Variants in SAMD11 observed in about 807,000 individuals in gnomAD.
SAMD11 encodes the protein sterile alpha motif domain containing 11, also known as sterile alpha motif domain-containing protein 11.
Under a neutral mutation model 64.4 loss-of-function variants are expected in SAMD11, and 77 were observed. The ratio of observed to expected loss-of-function variants is 1.20; its 90% CI spans 0.99 to 1.44. The LOEUF (loss-of-function observed/expected upper bound fraction) is 1.44, where lower values mean the gene tolerates loss of function less well. SAMD11 is among the 40% of genes most tolerant of loss of function. The pLI is 0.00. For missense variants in SAMD11, 1,402 were observed against 943.3 expected, an observed-to-expected ratio of 1.49 and a Z score of -6.37; for synonymous variants, 658 against 421.9, an observed-to-expected ratio of 1.56 and a Z score of -6.86.
At chr1:943,605 T>G (rs1557611871) in intron 12 of SAMD11, 93 bp from the exon 13 acceptor site, 6 of 1,352,430 alleles carry the variant, frequency 4.4e-6, no homozygotes, top group East Asian at 2.6e-5. Flanking sequence ...TTAAAAAATT[T>G]CCGTGAGCTG....
chr1:942,362 C>A, intron 9 of SAMD11, 48 bp from the exon 10 acceptor site: 1 of 1,213,694 alleles, frequency 8.2e-7, no homozygotes, highest in Non-Finnish European at 1.1e-6. Context: ...AGGGCCGGCT[C>A]GGACCGCCTC....
chr1:930,462 T>C (rs956382218), intron 3 of SAMD11, 126 bp downstream of exon 3: 2 of 1,120,226 alleles, frequency 1.8e-6, no homozygotes, highest in African/African-American at 1.6e-5. Context: ...GCTGGTCTTT[T>C]TGGGGTCCTG....
In SAMD11 at chr1:942,112, C is replaced by G. The variant is rs550526348; in HGVS notation, c.1359-24C>G. The G allele has an allele frequency of 2.5e-4, 199 of 781,602 alleles. No homozygotes were observed. The African/African-American group carries it at 3.3e-3, about 13-fold the overall frequency. 48.4% of individuals were successfully genotyped at this position (781,602 alleles called of 1,614,324 possible). Reference sequence around the variant, plus strand: ...ACGGGAACGGGGGCGGGGGGGACGCCGCTCATTGCGCTGCCGTCCACAGGG... The same window carrying G: ...ACGGGAACGGGGGCGGGGGGGACGCGGCTCATTGCGCTGCCGTCCACAGGG... On this transcript the variant is annotated intron_variant, in intron 8 of 13. Transcript: ENST00000616016.
intron 8 of SAMD11, among the ~76,000 whole-genome samples, chr1:941,601 C>CA (rs890517693): frequency 6.6e-6 from 1 of 152,112 alleles, no homozygotes; most frequent in Non-Finnish European, 1.5e-5. Context: ...CCAGAGGACT[C>CA]AGAGCTGGAG....
chr1:944,300 C>G lies in SAMD11; in HGVS notation c.*147C>G. 1 of 1,395,958 alleles carries G rather than the reference C, an allele frequency of 7.2e-7. No individual in the cohort carries two copies. The highest frequency in any genetic ancestry group is 1.8e-5 in the South Asian group (1 of 55,348). 86.5% of individuals were successfully genotyped at this position (1,395,958 alleles called of 1,614,324 possible). The stretch of plus-strand genomic sequence containing the variant: ...AAAATGTGACTTCAAAGGAAAGGAA[C>G]AAATTTTCAAAGACTTGGGGGAGTG... On this transcript the variant is annotated 3_prime_UTR_variant, in exon 14 of 14. Coordinates refer to ENST00000616016, the MANE Select transcript of SAMD11 (RefSeq NM_001385641.1).
rs1178987733 is a variant in SAMD11 at position 925,928 on chromosome 1, G to A, written c.524G>A (p.Ser175Asn). Residue 175 changes from serine to asparagine, a missense_variant, in exon 2 of 14, where the codon AGT (serine) becomes AAT (asparagine). Ser to Asn is a conservative substitution (Grantham distance 46). Coordinates refer to ENST00000616016, the MANE Select transcript of SAMD11 (RefSeq NM_001385641.1). ...WKRSIRHKGK[S>N]LKTLMSKGIL... ...GCCTCGGCTCTGCTCGCAGGGAAAA[G>A]TCTGAAGACGCTTATGTCCAAGGGG... 11 of 1,610,976 alleles carry A rather than the reference G, an allele frequency of 6.8e-6. No individual in the cohort carries two copies. The highest frequency in any genetic ancestry group is 1.1e-5 in the South Asian group (1 of 91,070).
chr1:937,878 TC>T (rs1277945619), intron 5 of SAMD11, among the ~76,000 whole-genome samples: 1 of 152,198 alleles, frequency 6.6e-6, no homozygotes, highest in African/African-American at 2.4e-5. Context: ...CCGCCGCACT[TC>T]CCCAGCCTGA....
At chr1:938,823 C>T (rs1167584009) in intron 5 of SAMD11, among the ~76,000 whole-genome samples, 1 of 152,180 alleles carries the variant, frequency 6.6e-6, no homozygotes, top group Admixed American at 6.5e-5. Flanking sequence ...GCACCAGGGC[C>T]AGTGTCAGAG....
In SAMD11 at chr1:942,697, C is replaced by T. The variant is rs1641861290; in HGVS notation, c.1692C>T (p.Asn564=). 5 of 1,443,816 alleles carry T rather than the reference C, an allele frequency of 3.5e-6. No homozygotes were observed. In the East Asian group the frequency reaches 8.7e-5, roughly 25 times the overall value. 89.4% of individuals were successfully genotyped at this position (1,443,816 alleles called of 1,614,324 possible). The part of the protein sequence containing the change: ...LQRRGALLVL[N]HGAAPLLALP... ...GGCGCGGGGCCCTGCTGGTGCTGAACCACGGCGCGGCGCCACTGCTGGCCC... is the reference window on the plus strand; with the variant it reads ...GGCGCGGGGCCCTGCTGGTGCTGAATCACGGCGCGGCGCCACTGCTGGCCC... The change falls in exon 11 of 14, where the codon AAC becomes AAT. Residue 564 remains asparagine (N), a synonymous_variant. Coordinates refer to ENST00000616016, the MANE Select transcript of SAMD11 (RefSeq NM_001385641.1).
intron 1 of SAMD11, chr1:925,619 C>G (rs1019511290): frequency 4.9e-5 from 14 of 284,386 alleles, no homozygotes; most frequent in African/African-American, 2.3e-4. Context: ...TTTCTGGGCC[C>G]GGCCTGCGGT....
chr1:943,521 C>A (rs1641946261), intron 12 of SAMD11, 144 bp downstream of exon 12: 1 of 889,674 alleles, frequency 1.1e-6, no homozygotes, highest in Admixed American at 3.5e-5. Context: ...GACTGTGCAC[C>A]CCACCTTTTT....
Position 943,179 on chromosome 1 carries a change from G to A in SAMD11, c.2054-74G>A. ...ACCCATCCCCCACCTCAGCAATTGGGGCACACGACGGTCAGGAGACGGGCG... is the reference window on the plus strand; with the variant it reads ...ACCCATCCCCCACCTCAGCAATTGGAGCACACGACGGTCAGGAGACGGGCG... On this transcript the variant is annotated intron_variant, in intron 11 of 13. Transcript: ENST00000616016. 5 of 1,604,178 alleles carry A rather than the reference G, an allele frequency of 3.1e-6. No homozygotes were observed. The South Asian group carries it at 3.3e-5, about 11-fold the overall frequency.
chr1:940,615 T>C (rs924455928), intron 7 of SAMD11, among the ~76,000 whole-genome samples: 81 of 151,340 alleles, frequency 5.4e-4, no homozygotes, highest in African/African-American at 1.9e-3. Flanking sequence ...TTGGGGCGAG[T>C]GTGGCCACGC....
chr1:942,385 C>T (rs1377960671), intron 9 of SAMD11, 25 bp from the exon 10 acceptor site: 12 of 1,369,134 alleles, frequency 8.8e-6, no homozygotes, highest in Admixed American at 5.0e-5. Flanking sequence ...ACCCCCCGAC[C>T]CCGCGTTGTC....
Position 944,535 on chromosome 1 carries a change from C to A in SAMD11, c.*382C>A. On this transcript the variant is annotated 3_prime_UTR_variant, in exon 14 of 14. Transcript: ENST00000616016. ...GCCCAGCCCAGCCCAGCTCTCGATA[C>A]GTTTGGTCTTTCATGCTGAAAAATA... The A allele has an allele frequency of 3.2e-6, 2 of 624,920 alleles. No individual in the cohort carries two copies. The highest frequency in any genetic ancestry group is 2.7e-6 in the Non-Finnish European group (1 of 368,406). 38.7% of individuals were successfully genotyped at this position (624,920 alleles called of 1,614,324 possible). A position where few individuals can be genotyped will look rare whatever the true frequency, so the allele number is the denominator to read the frequency against.
chr1:943,582 CAG>C, intron 12 of SAMD11, 114 bp from the exon 13 acceptor site: 1 of 989,732 alleles, frequency 1.0e-6, no homozygotes, highest in South Asian at 2.0e-5. Context: ...TCAAACCCAA[CAG>C]ATCACTGTTT....
chr1:939,845 G>A (rs1245356637), intron 7 of SAMD11, among the ~76,000 whole-genome samples: 1 of 152,174 alleles, frequency 6.6e-6, no homozygotes, highest in African/African-American at 2.4e-5. Context: ...GAGCAGAAAG[G>A]CCGGGCTGGG....
At chr1:936,998 G>A (rs1641491000) in intron 5 of SAMD11, among the ~76,000 whole-genome samples, 1 of 152,154 alleles carries the variant, frequency 6.6e-6, no homozygotes, top group Non-Finnish European at 1.5e-5. Context: ...ACGTGATGGG[G>A]GTTGCCCGGC....
In SAMD11 at chr1:944,458, C is replaced by T. The variant is rs1056968766; in HGVS notation, c.*305C>T. ...CTGCTGACGTCAGGGTCAGCTCCCC[C>T]GCGGAGCTGACTTCAGCAGCCCACA... is the stretch of plus-strand genomic sequence containing the variant. On this transcript the variant is annotated 3_prime_UTR_variant, in exon 14 of 14. Transcript: ENST00000616016. The T allele has an allele frequency of 1.7e-5, 14 of 828,782 alleles. No individual in the cohort carries two copies. The highest frequency in any genetic ancestry group is 6.2e-5 in the East Asian group (2 of 32,484). 51.3% of individuals were successfully genotyped at this position (828,782 alleles called of 1,614,324 possible).
Sources: allele counts gnomAD v4.1 joint callset (sites outside exome capture counted in the v4.1 genomes callset), GRCh38; gene constraint gnomAD v4.1.1; transcripts MANE v1.5; gene names NCBI Gene and HGNC (gene_info 2026-07-23, HGNC 2026-07-21).